DSCAM: variants seen among roughly 807,000 people sequenced by gnomAD.
DSCAM encodes DS cell adhesion molecule, also known as cell adhesion molecule DSCAM.
DSCAM carries 47 observed loss-of-function variants against 217.7 expected under a neutral mutation model. The ratio of observed to expected loss-of-function variants is 0.22; its 90% CI spans 0.17 to 0.28. DSCAM has a LOEUF of 0.28. DSCAM is among the 10% of genes least tolerant of loss of function. DSCAM has a pLI of 1.00. For missense variants in DSCAM, 2,080 were observed against 2,618.3 expected, an observed-to-expected ratio of 0.79 and a Z score of 4.49; for synonymous variants, 1,056 against 1,015.3, an observed-to-expected ratio of 1.04 and a Z score of -0.76.
chr21:40,682,670 G>A (rs377259510), intron 3 of DSCAM, among the ~76,000 whole-genome samples: 296 of 8,054 alleles, frequency 0.037, 50 homozygotes, highest in East Asian at 0.11. Context: ...AGCGGAGGGG[G>A]AGGGGAGGGG....
intron 15 of DSCAM, among the ~76,000 whole-genome samples, chr21:40,177,127 C>T (rs1275266368): frequency 6.6e-6 from 1 of 152,210 alleles, no homozygotes; most frequent in East Asian, 1.9e-4. Context: ...AGCTTATTCT[C>T]CCTAAGTACC....
At chr21:40,428,993 A>G (rs1468817974) in intron 3 of DSCAM, among the ~76,000 whole-genome samples, 1 of 152,070 alleles carries the variant, frequency 6.6e-6, no homozygotes, top group Non-Finnish European at 1.5e-5. Context: ...GACAGCCCCC[A>G]CATGGCTACT....
intron 3 of DSCAM, among the ~76,000 whole-genome samples, chr21:40,514,977 G>C (rs1012566215): frequency 1.3e-5 from 2 of 152,072 alleles, no homozygotes; most frequent in Non-Finnish European, 2.9e-5. Flanking sequence ...TGTGACGAAA[G>C]GACATTTTTC....
chr21:40,807,250 TC>T (rs1238537270), intron 1 of DSCAM, among the ~76,000 whole-genome samples: 1 of 152,180 alleles, frequency 6.6e-6, no homozygotes. Context: ...CCATATAGTG[TC>T]CAAATTCCAT....
rs534405933 is a variant in DSCAM, at chr21:40,080,262, C to T, written c.4310G>A (p.Arg1437His). 9 of 1,613,566 alleles carry T rather than the reference C, an allele frequency of 5.6e-6. No homozygotes were observed. Among genetic ancestry groups the T allele is most frequent in the African/African-American group, 5.3e-5 (4 of 74,878 alleles). ...FPISPSERSY[R>H]LENLKCGTWY... ...AGTCCCACATTTGAGATTTTCCAAGCGATAGGAACGTTCGCTGGGGCTGAT... is the reference window on the plus strand; with the variant it reads ...AGTCCCACATTTGAGATTTTCCAAGTGATAGGAACGTTCGCTGGGGCTGAT... Residue 1437 changes from arginine to histidine, a missense_variant, in exon 25 of 33, where the codon CGC becomes CAC. Physicochemically the swap from Arg to His is conservative, Grantham distance 29. Around this residue, in one of 5 missense-constraint regions of DSCAM, gnomAD observed 1,144 missense variants for 1,421.1 expected, o/e 0.81. Coordinates refer to ENST00000400454, the MANE Select transcript of DSCAM (RefSeq NM_001389.5).
At chr21:40,681,181 G>A (rs1016623587) in intron 3 of DSCAM, among the ~76,000 whole-genome samples, 8 of 152,230 alleles carry the variant, frequency 5.3e-5, no homozygotes, top group African/African-American at 1.9e-4. Context: ...AGGAAACACA[G>A]GACTTGAAGA....
chr21:40,360,118 G>T (rs1226397549), intron 4 of DSCAM, among the ~76,000 whole-genome samples: 1 of 128,626 alleles, frequency 7.8e-6, no homozygotes, highest in Non-Finnish European at 1.6e-5. Context: ...TACTTCATAG[G>T]TAGTCTTTTT....
chr21:40,770,075 TTAACAA>T (rs1169486288), intron 1 of DSCAM, among the ~76,000 whole-genome samples: 1 of 152,196 alleles, frequency 6.6e-6, no homozygotes, highest in Admixed American at 6.5e-5. Flanking sequence ...TTTTTTTTCT[TTAACAA>T]TAACACTGAA....
chr21:40,459,166 T>C (rs1339523263), intron 3 of DSCAM, among the ~76,000 whole-genome samples: 8 of 152,076 alleles, frequency 5.3e-5, no homozygotes, highest in South Asian at 2.1e-4. Flanking sequence ...CAGAATGATG[T>C]TAGAGCTATT....
intron 3 of DSCAM, among the ~76,000 whole-genome samples, chr21:40,679,322 C>T (rs996730553): frequency 6.6e-6 from 1 of 152,108 alleles, no homozygotes; most frequent in Non-Finnish European, 1.5e-5. Context: ...ATCATTCAGT[C>T]GACAATATTT....
At chr21:40,819,865 GGTAATTAA>G (rs2091911663) in intron 1 of DSCAM, among the ~76,000 whole-genome samples, 1 of 152,140 alleles carries the variant, frequency 6.6e-6, no homozygotes, top group African/African-American at 2.4e-5. Context: ...GATTTTGACA[GGTAATTAA>G]CAAAGGTCCT....
chr21:40,390,249 G>A (rs1380985791), intron 3 of DSCAM, among the ~76,000 whole-genome samples: 3 of 152,144 alleles, frequency 2.0e-5, no homozygotes, highest in Non-Finnish European at 4.4e-5. Context: ...TTGTTCTTTT[G>A]ACTCTTCTTC....
chr21:40,501,976 T>C (rs2076173591), intron 3 of DSCAM, among the ~76,000 whole-genome samples: 1 of 152,118 alleles, frequency 6.6e-6, no homozygotes, highest in South Asian at 2.1e-4. Flanking sequence ...ACTTAGAAGG[T>C]TTCTCATTCT....
chr21:40,539,345 A>G (rs2076525362), intron 3 of DSCAM, among the ~76,000 whole-genome samples: 1 of 152,076 alleles, frequency 6.6e-6, no homozygotes, highest in Non-Finnish European at 1.5e-5. Context: ...AATACAAAAA[A>G]TTAGCCGGGC....
chr21:40,592,700 T>C (rs2076992495), intron 3 of DSCAM, among the ~76,000 whole-genome samples: 1 of 152,204 alleles, frequency 6.6e-6, no homozygotes, highest in Non-Finnish European at 1.5e-5. Flanking sequence ...GAACCCTTCC[T>C]GACCATCTCA....
intron 32 of DSCAM, among the ~76,000 whole-genome samples, chr21:40,035,750 A>G (rs994262256): frequency 6.7e-6 from 1 of 150,230 alleles, no homozygotes; most frequent in Non-Finnish European, 1.5e-5. Context: ...TCCAAAATTG[A>G]CCACATACTT....
At chr21:40,656,761 T>A (rs1392225646) in intron 3 of DSCAM, among the ~76,000 whole-genome samples, 1 of 152,206 alleles carries the variant, frequency 6.6e-6, no homozygotes, top group African/African-American at 2.4e-5. Context: ...TCATGCCTAC[T>A]CATTTCAGGC....
chr21:40,020,363 T>TC (rs1300867586), intron 32 of DSCAM, among the ~76,000 whole-genome samples: 1 of 152,156 alleles, frequency 6.6e-6, no homozygotes. Context: ...CTTCCTTCCT[T>TC]CTTTTCCTTG....
intron 1 of DSCAM, among the ~76,000 whole-genome samples, chr21:40,728,819 GTTTA>G (rs2090984268): frequency 6.6e-6 from 1 of 152,154 alleles, no homozygotes; most frequent in Non-Finnish European, 1.5e-5. Flanking sequence ...TCCTATAGAT[GTTTA>G]TTCTTACAGA....
Sources: gnomAD v4.1 joint callset for allele counts (sites outside exome capture counted in the v4.1 genomes callset) on GRCh38, gnomAD v4.1.1 for gene constraint, gnomAD v4.1.1 regional missense constraint, MANE v1.5 for transcripts, NCBI Gene and HGNC (gene_info 2026-07-23, HGNC 2026-07-21) for gene names.